PRKG1: variants seen among roughly 807,000 people sequenced by gnomAD.
The protein encoded by PRKG1 is protein kinase cGMP-dependent 1.
Under a neutral mutation model 88.1 loss-of-function variants are expected in PRKG1, and 35 were observed. The observed-to-expected ratio is 0.40, with a 90% confidence interval of 0.30 to 0.53. The LOEUF (loss-of-function observed/expected upper bound fraction) is 0.53, where lower values mean the gene tolerates loss of function less well. Among genes scored for constraint, PRKG1 ranks in the 20% least tolerant of loss-of-function variants. The pLI, the probability that PRKG1 is intolerant of heterozygous loss-of-function variation, is 0.59. For synonymous variants in PRKG1, 303 were observed against 292.5 expected (o/e 1.04, Z -0.37); for missense variants, 540 against 839.8 (o/e 0.64, Z 4.41).
intron 1 of PRKG1, among the ~76,000 whole-genome samples, chr10:50,997,535 T>G (rs1842848933): frequency 6.6e-6 from 1 of 152,218 alleles, no homozygotes; most frequent in Non-Finnish European, 1.5e-5. Context: ...GAGAGTGCGT[T>G]AAAACCTTTT....
intron 3 of PRKG1, chr10:51,696,988 C>CAGCAA (rs1320102627): frequency 2.6e-5 from 4 of 151,920 alleles, no homozygotes; most frequent in Non-Finnish European, 4.4e-5. Flanking sequence ...AGAATTGTCA[C>CAGCAA]AGCAAAATCA....
At chr10:52,290,391 T>A in intron 17 of PRKG1, 101 bp downstream of exon 17, 1 of 958,844 alleles carries the variant, frequency 1.0e-6, no homozygotes, top group Non-Finnish European at 1.5e-6. Context: ...TATGATTAAG[T>A]TAAACAAACT....
intron 9 of PRKG1, among the ~76,000 whole-genome samples, chr10:52,219,254 AAAAT>A (rs1445021911): frequency 1.3e-5 from 2 of 152,190 alleles, no homozygotes; most frequent in African/African-American, 4.8e-5. Flanking sequence ...ATAGGAAAAT[AAAAT>A]AAAGAAATTA....
At chr10:52,277,105 A>G (rs1841889742) in intron 12 of PRKG1, among the ~76,000 whole-genome samples, 1 of 152,176 alleles carries the variant, frequency 6.6e-6, no homozygotes, top group South Asian at 2.1e-4. Context: ...ACTGGAAACA[A>G]ATAGAGTTGT....
intron 5 of PRKG1, among the ~76,000 whole-genome samples, chr10:52,003,320 A>G (rs1300936565): frequency 3.9e-5 from 6 of 152,138 alleles, no homozygotes; most frequent in Admixed American, 3.3e-4. Context: ...TTCTTGATTC[A>G]TTTATTTTGA....
chr10:51,782,272 C>T (rs978883902), intron 3 of PRKG1, among the ~76,000 whole-genome samples: 2 of 152,064 alleles, frequency 1.3e-5, no homozygotes, highest in African/African-American at 4.8e-5. Flanking sequence ...TTTTGACTTA[C>T]AATATTTTCA....
At chr10:51,138,678 T>TTG (rs1845748207) in intron 1 of PRKG1, among the ~76,000 whole-genome samples, 2 of 121,600 alleles carry the variant, frequency 1.6e-5, no homozygotes, top group Admixed American at 8.3e-5. Context: ...GAGTTTTGTT[T>TTG]TTTTTTTTTT....
chr10:51,420,497 T>C (rs1838379473), intron 2 of PRKG1, among the ~76,000 whole-genome samples: 1 of 152,150 alleles, frequency 6.6e-6, no homozygotes. Context: ...TTGAAAATTC[T>C]TGCTGCCCAG....
chr10:51,507,464 T>G (rs1003970118), intron 3 of PRKG1, among the ~76,000 whole-genome samples: 1 of 152,122 alleles, frequency 6.6e-6, no homozygotes, highest in African/African-American at 2.4e-5. Flanking sequence ...CTTGTGTGTA[T>G]AACTCAATAA....
chr10:52,049,912 C>A (rs944645376), intron 5 of PRKG1, among the ~76,000 whole-genome samples: 3 of 152,022 alleles, frequency 2.0e-5, no homozygotes, highest in African/African-American at 7.3e-5. Flanking sequence ...GAGTTAAAAT[C>A]TGGTGAAAAA....
intron 3 of PRKG1, among the ~76,000 whole-genome samples, chr10:51,609,584 A>C (rs1838851629): frequency 6.6e-6 from 1 of 152,244 alleles, no homozygotes; most frequent in Admixed American, 6.5e-5. Flanking sequence ...ACATGTAATC[A>C]ACCCAAATAC....
intron 5 of PRKG1, among the ~76,000 whole-genome samples, chr10:51,984,371 C>G (rs1185073241): frequency 1.3e-5 from 2 of 152,090 alleles, no homozygotes; most frequent in South Asian, 2.1e-4. Context: ...TTATTCATTT[C>G]CGATGATTTT....
intron 3 of PRKG1, among the ~76,000 whole-genome samples, chr10:51,500,489 T>G (rs2132892403): frequency 1.3e-5 from 2 of 152,314 alleles, no homozygotes; most frequent in East Asian, 1.9e-4. Flanking sequence ...TACCAAAAAC[T>G]TAGGTTCAGG....
chr10:51,153,783 A>G (rs1488308721), intron 2 of PRKG1, among the ~76,000 whole-genome samples: 1 of 152,050 alleles, frequency 6.6e-6, no homozygotes, highest in East Asian at 1.9e-4. Context: ...CATGTGTATG[A>G]CAGAGGCAGA....
intron 5 of PRKG1, among the ~76,000 whole-genome samples, chr10:52,053,394 A>G (rs1460614888): frequency 6.6e-6 from 1 of 152,220 alleles, no homozygotes; most frequent in Non-Finnish European, 1.5e-5. Flanking sequence ...TTAGCACTTT[A>G]TGTGTTAAGA....
intron 4 of PRKG1, among the ~76,000 whole-genome samples, chr10:51,860,049 G>A (rs1366388476): frequency 6.6e-6 from 1 of 152,094 alleles, no homozygotes; most frequent in Non-Finnish European, 1.5e-5. Context: ...TTACTGGGAT[G>A]TAAAAGTTGC....
chr10:51,916,125 C>G (rs756101245), intron 5 of PRKG1, among the ~76,000 whole-genome samples: 4 of 152,120 alleles, frequency 2.6e-5, no homozygotes, highest in Non-Finnish European at 5.9e-5. Flanking sequence ...TGAGTAGAAG[C>G]TGGGTAAAAT....
intron 5 of PRKG1, among the ~76,000 whole-genome samples, chr10:51,938,479 A>C (rs1418749439): frequency 6.6e-6 from 1 of 152,016 alleles, no homozygotes; most frequent in Non-Finnish European, 1.5e-5. Flanking sequence ...AGCAAGGTGG[A>C]AAGACATTTG....
chr10:51,039,105 G>A (rs1299302861), intron 1 of PRKG1, among the ~76,000 whole-genome samples: 1 of 152,164 alleles, frequency 6.6e-6, no homozygotes, highest in Non-Finnish European at 1.5e-5. Context: ...ACCTAGCAGT[G>A]GAATTGCTGG....
Sources: gnomAD v4.1 joint callset for allele counts (sites outside exome capture counted in the v4.1 genomes callset) on GRCh38, gnomAD v4.1.1 for gene constraint, MANE v1.5 for transcripts, NCBI Gene and HGNC (gene_info 2026-07-23, HGNC 2026-07-21) for gene names.